Variants in LRRC7 observed in about 807,000 individuals in gnomAD.
The protein encoded by LRRC7 is leucine rich repeat containing 7.
LRRC7 carries 23 observed loss-of-function variants against 175.7 expected under a neutral mutation model. The observed-to-expected ratio is 0.13, with a 90% confidence interval of 0.09 to 0.19. The LOEUF (loss-of-function observed/expected upper bound fraction) is 0.19. Among genes scored for constraint, LRRC7 ranks in the 10% least tolerant of loss-of-function variants. LRRC7 has a pLI of 1.00. For synonymous variants in LRRC7, 685 were observed against 680.9 expected (o/e 1.01, Z -0.09); for missense variants, 1,354 against 1,904.7 (o/e 0.71, Z 5.38).
chr1:69,788,468 C>T (rs922520016), intron 3 of LRRC7, among the ~76,000 whole-genome samples: 11 of 152,130 alleles, frequency 7.2e-5, no homozygotes, highest in Admixed American at 6.5e-4. Flanking sequence ...GAAGACAAAT[C>T]ATAGCACATA....
rs748772335 is a variant in LRRC7 at position 70,124,738 on chromosome 1, G to T, written c.*2851G>T. Among the ~76,000 whole-genome samples the T allele has an allele frequency of 2.0e-5, 3 of 148,800 alleles. No homozygotes were observed. The highest frequency in any genetic ancestry group is 4.5e-5 in the Non-Finnish European group (3 of 66,894). ...CTGGTTATTTTAACAATAAAAAAAA[G>T]TCAAGGGTGTGCCTTTTAAAAAAAA... On this transcript the variant is annotated 3_prime_UTR_variant, in exon 27 of 27. Transcript: ENST00000651989.
At chr1:70,095,015 C>T (rs1463580726) in intron 25 of LRRC7, among the ~76,000 whole-genome samples, 2 of 152,122 alleles carry the variant, frequency 1.3e-5, no homozygotes, top group Non-Finnish European at 2.9e-5. Context: ...ACTTTTAGCA[C>T]ATTTCCTTAA....
intron 23 of LRRC7, among the ~76,000 whole-genome samples, chr1:70,073,667 T>G (rs1375437248): frequency 1.3e-5 from 2 of 152,238 alleles, no homozygotes; most frequent in African/African-American, 4.8e-5. Context: ...AAAAATGCTT[T>G]GCTTATCTAT....
In LRRC7 at chr1:70,144,043, A is replaced by C. The variant is rs1667200612; in HGVS notation, c.*22156A>C. 1 of 152,240 alleles carries C rather than the reference A, an allele frequency of 6.6e-6. No homozygotes were observed. Among genetic ancestry groups the C allele is most frequent in the Non-Finnish European group, 1.5e-5 (1 of 68,042 alleles). The allele number at this position is 152,240 out of a possible 1,614,324, so 9.4% of individuals were successfully genotyped here. ...AGCTGCTTCATTTTATGTGCAAAGA[A>C]GTCCTATGAATCTATATTTTAAATT... On this transcript the variant is annotated 3_prime_UTR_variant, in exon 27 of 27. Coordinates refer to ENST00000651989, the MANE Select transcript of LRRC7 (RefSeq NM_001370785.2).
chr1:70,036,279 C>T, intron 19 of LRRC7, 47 bp downstream of exon 19: 1 of 1,492,278 alleles, frequency 6.7e-7, no homozygotes, highest in Non-Finnish European at 9.3e-7. Flanking sequence ...AATGCATGTG[C>T]ATGATGAATC....
chr1:69,881,043 T>C (rs1686549465), intron 7 of LRRC7, among the ~76,000 whole-genome samples: 1 of 152,208 alleles, frequency 6.6e-6, no homozygotes, highest in Non-Finnish European at 1.5e-5. Context: ...TCCCCAAACA[T>C]GTGCACATGG....
chr1:69,711,211 T>C (rs1171464762), intron 2 of LRRC7, among the ~76,000 whole-genome samples: 1 of 152,150 alleles, frequency 6.6e-6, no homozygotes, highest in Non-Finnish European at 1.5e-5. Flanking sequence ...ATAAACTGAG[T>C]GTGGCTGTTT....
intron 1 of LRRC7, among the ~76,000 whole-genome samples, chr1:69,657,717 G>A (rs1415736853): frequency 1.3e-5 from 2 of 151,796 alleles, no homozygotes; most frequent in African/African-American, 2.4e-5. Context: ...AGACTTGAGG[G>A]CTCATGCAGA....
intron 3 of LRRC7, among the ~76,000 whole-genome samples, chr1:69,781,165 T>C (rs1313704923): frequency 6.6e-6 from 1 of 152,192 alleles, no homozygotes; most frequent in African/African-American, 2.4e-5. Context: ...TGCTATAACA[T>C]ATACTCGTAT....
chr1:69,731,205 G>A (rs1417624533), intron 2 of LRRC7, among the ~76,000 whole-genome samples: 1 of 152,114 alleles, frequency 6.6e-6, no homozygotes, highest in East Asian at 1.9e-4. Flanking sequence ...GGGAGGCTGA[G>A]GCTAGAGAAT....
chr1:70,028,818 G>T (rs913675599), intron 18 of LRRC7, among the ~76,000 whole-genome samples: 9 of 152,012 alleles, frequency 5.9e-5, no homozygotes, highest in Non-Finnish European at 1.3e-4. Context: ...AGGAAACACC[G>T]ATTAACAATA....
In LRRC7 at chr1:70,038,971, A is replaced by C. The variant is rs1235996242; in HGVS notation, c.3147A>C (p.Gly1049=). ...TGGATGATGAGATGCTCACCTACGG[A>C]AGTAGTAAGGGGCCACAACAACAAA... The part of the protein sequence containing the change: ...PMLDDEMLTY[G]SSKGPQQQKA... Residue 1049 remains glycine, a synonymous_variant, in exon 21 of 27, where the codon GGA becomes GGC. Coordinates refer to ENST00000651989, the MANE Select transcript of LRRC7 (RefSeq NM_001370785.2). 5 of 1,614,012 alleles carry C rather than the reference A, an allele frequency of 3.1e-6. No homozygotes were observed. The highest frequency in any genetic ancestry group is 4.5e-5 in the East Asian group (2 of 44,822).
At chr1:69,702,899 AG>A (rs1436871379) in intron 2 of LRRC7, among the ~76,000 whole-genome samples, 2 of 152,086 alleles carry the variant, frequency 1.3e-5, no homozygotes, top group African/African-American at 4.8e-5. Flanking sequence ...AATAGCAGTC[AG>A]GAAAGGGTGA....
At chr1:69,907,233 C>G (rs1187557436) in intron 7 of LRRC7, among the ~76,000 whole-genome samples, 1 of 152,128 alleles carries the variant, frequency 6.6e-6, no homozygotes, top group African/African-American at 2.4e-5. Context: ...TCCTCTTTTC[C>G]TAATCGAATA....
At chr1:69,856,731 G>T (rs921107289) in intron 7 of LRRC7, among the ~76,000 whole-genome samples, 1 of 152,108 alleles carries the variant, frequency 6.6e-6, no homozygotes, top group Non-Finnish European at 1.5e-5. Flanking sequence ...CCAATCAATA[G>T]AAAAAGAGGG....
chr1:69,874,217 A>G (rs1685835177), intron 7 of LRRC7: 1 of 152,190 alleles, frequency 6.6e-6, no homozygotes, highest in Admixed American at 6.6e-5. Flanking sequence ...ATGCAGTTCA[A>G]TGGCTTATAG....
At chr1:69,781,679 CAAAAA>C (rs201837300) in intron 3 of LRRC7, among the ~76,000 whole-genome samples, 1 of 72,092 alleles carries the variant, frequency 1.4e-5, no homozygotes, top group Non-Finnish European at 2.6e-5. Flanking sequence ...AAGACTGTCT[CAAAAA>C]AAAGAAGAAA....
chr1:69,750,687 A>G (rs933647955), intron 2 of LRRC7, among the ~76,000 whole-genome samples: 8 of 152,302 alleles, frequency 5.3e-5, no homozygotes, highest in South Asian at 4.1e-4. Flanking sequence ...TCCCCTTCCA[A>G]GATGATGTCT....
At chr1:69,892,423 A>G (rs1645862845) in intron 7 of LRRC7, among the ~76,000 whole-genome samples, 1 of 152,196 alleles carries the variant, frequency 6.6e-6, no homozygotes, top group Non-Finnish European at 1.5e-5. Context: ...TCAAATGAGA[A>G]AAAAATGTTG....
Sources: allele counts gnomAD v4.1 joint callset (sites outside exome capture counted in the v4.1 genomes callset), GRCh38; gene constraint gnomAD v4.1.1; transcripts MANE v1.5; gene names NCBI Gene and HGNC (gene_info 2026-07-23, HGNC 2026-07-21).